RAP1GDS1: variants seen among roughly 807,000 people sequenced by gnomAD.
RAP1GDS1 encodes Rap1 GTPase-GDP dissociation stimulator 1.
Under a neutral mutation model 71.1 loss-of-function variants are expected in RAP1GDS1, and 35 were observed. The ratio of observed to expected loss-of-function variants is 0.49; its 90% CI spans 0.38 to 0.65. The LOEUF is 0.65. RAP1GDS1 is among the 30% of genes least tolerant of loss of function. The pLI is 0.00. For synonymous variants in RAP1GDS1, 229 were observed against 243.1 expected, an observed-to-expected ratio of 0.94 and a Z score of 0.54; for missense variants, 663 against 706.1, an observed-to-expected ratio of 0.94 and a Z score of 0.69.
At chr4:98,438,590 C>A (rs199789525) in intron 14 of RAP1GDS1, among the ~76,000 whole-genome samples, 397 of 62,004 alleles carry the variant, frequency 6.4e-3, no homozygotes, top group Admixed American at 0.012. Flanking sequence ...ATATATATAT[C>A]TTTTTTTTTT....
intron 2 of RAP1GDS1, among the ~76,000 whole-genome samples, chr4:98,333,067 TTC>T (rs1271998063): frequency 1.3e-5 from 2 of 152,124 alleles, no homozygotes; most frequent in African/African-American, 2.4e-5. Context: ...TACAAAATTA[TTC>T]TCTTTTTCTT....
At chr4:98,362,748 G>C (rs1233280697) in intron 4 of RAP1GDS1, among the ~76,000 whole-genome samples, 1 of 152,062 alleles carries the variant, frequency 6.6e-6, no homozygotes, top group Admixed American at 6.5e-5. Flanking sequence ...GAGGATATAG[G>C]TCACATATTT....
intron 13 of RAP1GDS1, among the ~76,000 whole-genome samples, chr4:98,436,080 ATAT>A (rs545132423): frequency 0.08 from 10,257 of 128,992 alleles, 387 homozygotes; most frequent in Admixed American, 0.14. Context: ...CAAAAAAAAA[ATAT>A]ATATATATAT....
chr4:98,296,883 T>C, intron 2 of RAP1GDS1: 1 of 384,832 alleles, frequency 2.6e-6, no homozygotes, highest in Admixed American at 3.3e-5. Context: ...ATTCTATTTG[T>C]AATAAAAATT....
chr4:98,402,381 A>C (rs1406147870), intron 6 of RAP1GDS1, among the ~76,000 whole-genome samples: 1 of 152,144 alleles, frequency 6.6e-6, no homozygotes, highest in Non-Finnish European at 1.5e-5. Context: ...CTCATCTCTA[A>C]ATGAAACCTC....
intron 6 of RAP1GDS1, among the ~76,000 whole-genome samples, chr4:98,393,178 T>C (rs1011602521): frequency 5.9e-5 from 9 of 152,224 alleles, no homozygotes; most frequent in Admixed American, 2.0e-4. Flanking sequence ...AATAAAAGCA[T>C]GAAGTCACTA....
At chr4:98,338,013 C>G (rs1178281616) in intron 2 of RAP1GDS1, among the ~76,000 whole-genome samples, 1 of 151,972 alleles carries the variant, frequency 6.6e-6, no homozygotes, top group Non-Finnish European at 1.5e-5. Flanking sequence ...GCGGACAGGG[C>G]AGGGGAGGCA....
At chr4:98,429,811 A>G (rs1362765998) in intron 12 of RAP1GDS1, among the ~76,000 whole-genome samples, 1 of 152,110 alleles carries the variant, frequency 6.6e-6, no homozygotes, top group Non-Finnish European at 1.5e-5. Flanking sequence ...TGATCCTGGC[A>G]TCTGAATTTG....
At chr4:98,376,809 A>T (rs1210549491) in intron 4 of RAP1GDS1, among the ~76,000 whole-genome samples, 1 of 152,006 alleles carries the variant, frequency 6.6e-6, no homozygotes, top group Admixed American at 6.6e-5. Context: ...TCAATAACAC[A>T]TGAGCAAAAA....
In RAP1GDS1 at chr4:98,391,938, T is replaced by G. The variant is rs769887432; in HGVS notation, c.509-14T>G. The G allele has an allele frequency of 1.3e-6, 2 of 1,564,712 alleles. No homozygotes were observed. Among genetic ancestry groups the G allele is most frequent in the Middle Eastern group, 1.8e-4 (1 of 5,438 alleles). On this transcript the variant is annotated splice_polypyrimidine_tract_variant and intron_variant, in intron 5 of 14. Coordinates refer to ENST00000408927, the MANE Select transcript of RAP1GDS1 (RefSeq NM_001100427.2). Reference sequence around the variant, plus strand: ...ACTTTCTTTTCTGTTGTTGTTTTTTTTTTGTTTTTACAGATTCGCTTCAAG... The same window carrying G: ...ACTTTCTTTTCTGTTGTTGTTTTTTGTTTGTTTTTACAGATTCGCTTCAAG...
chr4:98,357,286 C>G (rs980593807), intron 4 of RAP1GDS1, among the ~76,000 whole-genome samples: 1 of 151,694 alleles, frequency 6.6e-6, no homozygotes, highest in Non-Finnish European at 1.5e-5. Context: ...CTGTGTTATT[C>G]AGTTTTAGAA....
At chr4:98,365,383 G>C (rs1317824151) in intron 4 of RAP1GDS1, among the ~76,000 whole-genome samples, 6 of 152,122 alleles carry the variant, frequency 3.9e-5, no homozygotes, top group Admixed American at 2.0e-4. Context: ...GGGAGGCTGA[G>C]GTGAGCAGAT....
chr4:98,404,377 T>C, intron 6 of RAP1GDS1, 100 bp from the exon 7 acceptor site: 1 of 1,138,948 alleles, frequency 8.8e-7, no homozygotes. Context: ...GAAGAGTATT[T>C]GTATTTATCA....
chr4:98,422,818 C>CT (rs1749076771), intron 12 of RAP1GDS1, among the ~76,000 whole-genome samples: 1 of 152,182 alleles, frequency 6.6e-6, no homozygotes, highest in East Asian at 1.9e-4. Context: ...CAGCTGTTAA[C>CT]TAGGACCTTC....
chr4:98,324,966 C>G (rs1193796320), intron 2 of RAP1GDS1, among the ~76,000 whole-genome samples: 2 of 151,292 alleles, frequency 1.3e-5, no homozygotes, highest in East Asian at 1.9e-4. Context: ...AAAGAAACTA[C>G]CATCAGAGTG....
intron 14 of RAP1GDS1, among the ~76,000 whole-genome samples, chr4:98,437,465 G>A (rs1461574175): frequency 1.7e-4 from 26 of 152,196 alleles, no homozygotes; most frequent in Non-Finnish European, 8.8e-5. Flanking sequence ...GCAGGCACAG[G>A]TTCTGATTTT....
chr4:98,261,506 C>T lies in RAP1GDS1; in HGVS notation c.-60C>T. The T allele has an allele frequency of 1.3e-6, 2 of 1,564,654 alleles. No homozygotes were observed. The highest frequency in any genetic ancestry group is 1.7e-6 in the Non-Finnish European group (2 of 1,149,426). On this transcript the variant is annotated 5_prime_UTR_variant, in exon 1 of 15. Coordinates refer to ENST00000408927, the MANE Select transcript of RAP1GDS1 (RefSeq NM_001100427.2). ...GAGGTAGAGGGAGGACACAGAGCCG[C>T]GCCGCCCGCACCACAGACCTTCGCC...
intron 7 of RAP1GDS1, among the ~76,000 whole-genome samples, chr4:98,407,280 T>C (rs1746264785): frequency 6.6e-6 from 1 of 152,160 alleles, no homozygotes; most frequent in Non-Finnish European, 1.5e-5. Flanking sequence ...CTATTAATTT[T>C]GTTAATCTGC....
In RAP1GDS1 at chr4:98,442,172, C is replaced by G; in HGVS notation, c.*55C>G. 6.3e-7 allele frequency: 1 copy of G among 1,589,832 alleles called. No homozygotes were observed. Among genetic ancestry groups the G allele is most frequent in the Non-Finnish European group, 8.5e-7 (1 of 1,170,712 alleles). ...CTCTAATTTCCCCTCTGTCCTCCATCCAGCGGCTTCTTCCGCTTCATTCTC... is the reference window on the plus strand; with the variant it reads ...CTCTAATTTCCCCTCTGTCCTCCATGCAGCGGCTTCTTCCGCTTCATTCTC... On this transcript the variant is annotated 3_prime_UTR_variant, in exon 15 of 15. Coordinates refer to ENST00000408927, the MANE Select transcript of RAP1GDS1 (RefSeq NM_001100427.2).
Sources: gnomAD v4.1 joint callset for allele counts (sites outside exome capture counted in the v4.1 genomes callset) on GRCh38, gnomAD v4.1.1 for gene constraint, MANE v1.5 for transcripts, NCBI Gene and HGNC (gene_info 2026-07-23, HGNC 2026-07-21) for gene names.